ANAPC4: variants seen among roughly 807,000 people sequenced by gnomAD.
ANAPC4 encodes the protein anaphase-promoting complex subunit 4.
Under a neutral mutation model 119.8 loss-of-function variants are expected in ANAPC4, and 63 were observed. The observed-to-expected ratio is 0.53, with a 90% CI of 0.43 to 0.65. ANAPC4 has a LOEUF of 0.65. ANAPC4 is among the 30% of genes least tolerant of loss of function. ANAPC4 has a pLI of 0.00. For missense variants in ANAPC4, 716 were observed against 945.1 expected (o/e 0.76, Z 3.18); for synonymous variants, 283 against 318.6 (o/e 0.89, Z 1.19).
At chr4:25,383,118 T>C (rs2292405) in intron 3 of ANAPC4, 143 bp from the exon 4 acceptor site, 48,998 of 719,896 alleles carry the variant, frequency 0.068, 1,938 homozygotes, top group South Asian at 0.12. Flanking sequence ...TTTTTAGTTT[T>C]TAAAATATTG....
intron 17 of ANAPC4, among the ~76,000 whole-genome samples, chr4:25,404,708 A>G (rs1026272660): frequency 6.6e-6 from 1 of 151,834 alleles, no homozygotes; most frequent in Non-Finnish European, 1.5e-5. Flanking sequence ...GTGGAGATCT[A>G]CTTGTAATCC....
At position 25,383,296 on chromosome 4, in the gene ANAPC4, G is replaced by A. The variant is rs1721847658; in HGVS notation, c.271G>A (p.Val91Ile). The A allele has an allele frequency of 2.5e-6, 4 of 1,611,350 alleles. No individual in the cohort carries two copies. Among genetic ancestry groups the A allele is most frequent in the South Asian group, 2.2e-5 (2 of 90,186 alleles). The change falls in exon 4 of 29, where the codon GTT becomes ATT. Residue 91 changes from valine (V) to isoleucine (I), a missense_variant. Transcript: ENST00000315368. ...AFALADTKKIVLCDVEKPESL... is the reference protein window; with the variant it reads ...AFALADTKKIILCDVEKPESL... ...TGCTCTTGCTGATACCAAGAAAATT[G>A]TTTTGTGTGATGTAGAAAAACCTGA...
intron 9 of ANAPC4, among the ~76,000 whole-genome samples, chr4:25,391,401 A>G (rs1293389118): frequency 6.6e-6 from 1 of 152,228 alleles, no homozygotes; most frequent in African/African-American, 2.4e-5. Context: ...TCACAGCATC[A>G]TAATAGGCAG....
At chr4:25,382,752 T>C (rs1485319080) in intron 3 of ANAPC4, among the ~76,000 whole-genome samples, 1 of 152,182 alleles carries the variant, frequency 6.6e-6, no homozygotes, top group Non-Finnish European at 1.5e-5. Context: ...GAAGAAATAA[T>C]GACTTGTGTG....
chr4:25,404,304 C>T (rs1338756256), intron 17 of ANAPC4, among the ~76,000 whole-genome samples: 1 of 152,104 alleles, frequency 6.6e-6, no homozygotes, highest in Non-Finnish European at 1.5e-5. Context: ...ATCAGGCTGG[C>T]CTGTTTAAGA....
chr4:25,388,567 C>T lies in ANAPC4; in HGVS notation c.436C>T (p.Pro146Ser). ...TCTCTTACCTAAACTACCTACACTG[C>T]CAAAAAAGTATGTATCACTGGTTTC... ...NLLLPKLPTL[P>S]KNYSNTSKIF... The change falls in exon 5 of 29, where the codon CCA becomes TCA. Residue 146 changes from proline to serine, a missense_variant. By Grantham distance (74) the Pro-to-Ser change is moderately conservative. Transcript: ENST00000315368. 1 of 1,601,018 alleles carries T rather than the reference C, an allele frequency of 6.2e-7. No individual in the cohort carries two copies. Among genetic ancestry groups the T allele is most frequent in the Admixed American group, 1.7e-5 (1 of 59,734 alleles).
intron 27 of ANAPC4, 47 bp from the exon 28 acceptor site, chr4:25,417,569 G>T: frequency 6.5e-7 from 1 of 1,528,690 alleles, no homozygotes; most frequent in Non-Finnish European, 8.8e-7. Context: ...AACTAGGGAG[G>T]ATAAGATCCC....
chr4:25,392,727 A>T (rs1009589290), intron 10 of ANAPC4, among the ~76,000 whole-genome samples: 2 of 152,218 alleles, frequency 1.3e-5, no homozygotes, highest in African/African-American at 4.8e-5. Context: ...ATTTGTTCAT[A>T]ATAAACCCAC....
At chr4:25,413,360 C>T (rs1244842201) in intron 21 of ANAPC4, 3 of 285,722 alleles carry the variant, frequency 1.0e-5, no homozygotes, top group Non-Finnish European at 1.9e-5. Context: ...GTTCCCAAAT[C>T]ATTCCTTGCT....
intron 4 of ANAPC4, 98 bp downstream of exon 4, chr4:25,383,491 T>G: frequency 2.5e-6 from 3 of 1,177,094 alleles, no homozygotes; most frequent in Non-Finnish European, 2.2e-6. Context: ...GTATGTGCGT[T>G]GTATTTAAAT....
chr4:25,399,736 G>T (rs1050962627), intron 16 of ANAPC4, among the ~76,000 whole-genome samples: 1 of 152,122 alleles, frequency 6.6e-6, no homozygotes, highest in African/African-American at 2.4e-5. Flanking sequence ...TTCAAGGGAG[G>T]GGTCCAGGCT....
intron 3 of ANAPC4, among the ~76,000 whole-genome samples, chr4:25,382,631 TAAG>T (rs1303549904): frequency 6.6e-6 from 1 of 152,224 alleles, no homozygotes; most frequent in Non-Finnish European, 1.5e-5. Flanking sequence ...TGTTTTTAAG[TAAG>T]AAGGCTGGGA....
At chr4:25,417,568 G>T in intron 27 of ANAPC4, 48 bp from the exon 28 acceptor site, 1 of 1,526,426 alleles carries the variant, frequency 6.6e-7, no homozygotes, top group Non-Finnish European at 8.8e-7. Context: ...AAACTAGGGA[G>T]GATAAGATCC....
At chr4:25,409,666 A>G (rs1449930873) in intron 20 of ANAPC4, 32 bp from the exon 21 acceptor site, 4 of 1,516,790 alleles carry the variant, frequency 2.6e-6, no homozygotes, top group Non-Finnish European at 3.6e-6. Flanking sequence ...CCAGGTATGA[A>G]TAAACTTAAA....
chr4:25,377,314 C>G lies in ANAPC4; in HGVS notation c.-41C>G, dbSNP rs947675449. ...GAGGGAGGGGAGAGGCCACTGGGGC[C>G]GTGTTAGTCTGCCGGTGGGGACTCT... is the stretch of plus-strand genomic sequence containing the variant. On this transcript the variant is annotated 5_prime_UTR_variant, in exon 1 of 29. Transcript: ENST00000315368. 1.4e-5 allele frequency: 20 copies of G among 1,416,884 alleles called. No individual in the cohort carries two copies. Among genetic ancestry groups the G allele is most frequent in the Admixed American group, 6.6e-5 (3 of 45,328 alleles). 87.8% of individuals were successfully genotyped at this position (1,416,884 alleles called of 1,614,324 possible).
intron 10 of ANAPC4, among the ~76,000 whole-genome samples, chr4:25,392,890 A>G (rs1465275242): frequency 1.3e-5 from 2 of 152,128 alleles, no homozygotes; most frequent in Non-Finnish European, 2.9e-5. Context: ...TCTCTACTCC[A>G]CATCCTTCAT....
At chr4:25,391,151 C>G in intron 9 of ANAPC4, 136 bp downstream of exon 9, 1 of 614,430 alleles carries the variant, frequency 1.6e-6, no homozygotes, top group Non-Finnish European at 2.8e-6. Flanking sequence ...TTTCTACATC[C>G]TAATATACTG....
chr4:25,401,643 G>A (rs369597945), intron 16 of ANAPC4, among the ~76,000 whole-genome samples: 2 of 152,202 alleles, frequency 1.3e-5, no homozygotes, highest in African/African-American at 4.8e-5. Context: ...CAGGGCCTAC[G>A]CTCTTAAGCC....
chr4:25,393,138 A>T (rs1300846611), intron 10 of ANAPC4, among the ~76,000 whole-genome samples: 1 of 152,208 alleles, frequency 6.6e-6, no homozygotes, highest in Non-Finnish European at 1.5e-5. Context: ...TTTATTTGAT[A>T]TTAAAGGTTT....
Sources: allele counts gnomAD v4.1 joint callset (sites outside exome capture counted in the v4.1 genomes callset), GRCh38; gene constraint gnomAD v4.1.1; transcripts MANE v1.5; gene names NCBI Gene and HGNC (gene_info 2026-07-23, HGNC 2026-07-21).